BCORL1: variants seen among roughly 807,000 people sequenced by gnomAD.
BCORL1 encodes the protein BCL-6 corepressor-like protein 1.
BCORL1 carries 7 observed loss-of-function variants against 87.6 expected under a neutral mutation model. The observed-to-expected ratio is 0.08, with a 90% CI of 0.05 to 0.15. The LOEUF (loss-of-function observed/expected upper bound fraction) is 0.15, where lower values mean the gene tolerates loss of function less well. BCORL1 is among the 10% of genes least tolerant of loss of function. BCORL1 has a pLI of 1.00. For missense variants in BCORL1, 1,215 were observed against 1,499.7 expected (o/e 0.81, Z 3.13); for synonymous variants, 591 against 634.4 (o/e 0.93, Z 1.03).
At chrX:130,043,767 TATATATATATATATA>T (rs1569388464) in intron 11 of BCORL1, among the ~76,000 whole-genome samples, 1 of 18,334 alleles carries the variant, frequency 5.5e-5, no homozygotes, top group Non-Finnish European at 8.2e-5. Flanking sequence ...TATATATATA[TATATATATATATATA>T]TATTTTTTTT....
chrX:130,021,482 A>T (rs1047494644), intron 5 of BCORL1, among the ~76,000 whole-genome samples: 2 of 112,391 alleles, frequency 1.8e-5, no homozygotes, highest in African/African-American at 6.5e-5. Flanking sequence ...GACAAAAACC[A>T]CGGAATGGGG....
intron 9 of BCORL1, among the ~76,000 whole-genome samples, chrX:130,035,976 G>A (rs570058533): frequency 4.4e-5 from 5 of 112,888 alleles, no homozygotes; most frequent in South Asian, 3.6e-4. Context: ...ACACACAGCC[G>A]CTCTAGCCAG....
chrX:130,046,752 T>A (rs1296371639), intron 11 of BCORL1, among the ~76,000 whole-genome samples: 2 of 110,877 alleles, frequency 1.8e-5, no homozygotes, highest in Admixed American at 9.6e-5. Flanking sequence ...TTCACCGTGT[T>A]AGCCAGGATG....
intron 1 of BCORL1, among the ~76,000 whole-genome samples, chrX:129,984,343 CG>C (rs1266410987): frequency 1.7e-4 from 1 of 5,746 alleles, no homozygotes; most frequent in Non-Finnish European, 4.4e-4. Flanking sequence ...CGGGGGCAGG[CG>C]GGGGGGTGGA....
At chrX:130,037,176 G>A (rs1931001765) in intron 9 of BCORL1, among the ~76,000 whole-genome samples, 191 bp from the exon 10 acceptor site, 1 of 111,000 alleles carries the variant, frequency 9.0e-6, no homozygotes, top group African/African-American at 3.3e-5. Context: ...CCAAGGAAAC[G>A]GCCCAGAGCT....
chrX:130,053,310 C>T (rs1330320469), intron 13 of BCORL1, among the ~76,000 whole-genome samples: 3 of 107,338 alleles, frequency 2.8e-5, no homozygotes, highest in Non-Finnish European at 3.9e-5. Context: ...CCACCCCACA[C>T]GCATAGCCTG....
chrX:130,028,511 T>C (rs1930377382), intron 7 of BCORL1, 124 bp from the exon 8 acceptor site: 1 of 559,967 alleles, frequency 1.8e-6, no homozygotes, highest in Non-Finnish European at 3.0e-6. Context: ...CGATAGCTGA[T>C]AGTTATACAA....
At position 130,033,701 on chromosome X, in the gene BCORL1, G is replaced by A. The variant is rs764584778; in HGVS notation, c.4306-754G>A. On this transcript the variant is annotated intron_variant, in intron 8 of 13. Coordinates refer to ENST00000540052, the MANE Select transcript of BCORL1 (RefSeq NM_001379451.1). ...CAGCTGTGACTAGTCAAAGATAGCC[G>A]GCCGGGCATGGTGGCTCATGCCTGT... Among the ~76,000 whole-genome samples the A allele has an allele frequency of 7.1e-5, 8 of 112,044 alleles. No homozygotes were observed. The East Asian group carries it at 1.1e-3, about 16-fold the overall frequency.
At chrX:130,006,218 A>G (rs1049828640) in intron 2 of BCORL1, among the ~76,000 whole-genome samples, 9 of 111,484 alleles carry the variant, frequency 8.1e-5, no homozygotes, top group African/African-American at 2.9e-4. Context: ...TCTGTTCCCC[A>G]GAATATTTGG....
At chrX:130,029,851 C>T (rs1258342872) in intron 8 of BCORL1, among the ~76,000 whole-genome samples, 1 of 110,556 alleles carries the variant, frequency 9.0e-6, no homozygotes, top group Admixed American at 9.7e-5. Flanking sequence ...TACAAAAAAT[C>T]ACCATGTTGG....
intron 13 of BCORL1, among the ~76,000 whole-genome samples, chrX:130,053,306 C>T (rs1014455517): frequency 9.2e-6 from 1 of 109,174 alleles, no homozygotes; most frequent in Admixed American, 9.8e-5. Flanking sequence ...CCCACCACCC[C>T]ACACGCATAG....
intron 2 of BCORL1, among the ~76,000 whole-genome samples, chrX:130,011,821 G>A (rs1314595185): frequency 1.8e-5 from 2 of 110,697 alleles, no homozygotes. Flanking sequence ...GGGGGGGCAG[G>A]GAGGGGTGCT....
chrX:130,020,872 C>T lies in BCORL1; in HGVS notation c.3442-113C>T, dbSNP rs780897724. 31 of 861,215 alleles carry T rather than the reference C, an allele frequency of 3.6e-5. No homozygotes were observed. In the African/African-American group the frequency reaches 5.2e-4, roughly 14 times the overall value. The allele number at this position is 861,215 out of a possible 1,213,427, so 71.0% of individuals were successfully genotyped here. ...GCACGGCCCCTTGCCCCTGGTCCCCCACTCTGGGCAGCTCATGCCTCTAGG... is the reference window on the plus strand; with the variant it reads ...GCACGGCCCCTTGCCCCTGGTCCCCTACTCTGGGCAGCTCATGCCTCTAGG... On this transcript the variant is annotated intron_variant, in intron 4 of 13. Transcript: ENST00000540052.
At chrX:130,004,012 C>T (rs937134850) in intron 1 of BCORL1, among the ~76,000 whole-genome samples, 6 of 111,911 alleles carry the variant, frequency 5.4e-5, no homozygotes, top group African/African-American at 1.6e-4. Flanking sequence ...GGGTTCTGTT[C>T]AGTTGAACTT....
intron 7 of BCORL1, among the ~76,000 whole-genome samples, chrX:130,026,057 AAG>A (rs775110408): frequency 8.9e-6 from 1 of 111,813 alleles, no homozygotes; most frequent in Admixed American, 9.5e-5. Flanking sequence ...AGACTGTCAC[AAG>A]ATGCTAATAT....
intron 9 of BCORL1, among the ~76,000 whole-genome samples, chrX:130,037,141 C>T (rs936662405): frequency 9.1e-6 from 1 of 109,780 alleles, no homozygotes; most frequent in African/African-American, 3.3e-5. Context: ...GTGAGACTGT[C>T]TCAAAAAAAA....
At position 130,014,018 on chromosome X, in the gene BCORL1, A is replaced by C; in HGVS notation, c.1246A>C (p.Ser416Arg). 1 of 1,208,401 alleles carries C rather than the reference A, an allele frequency of 8.3e-7. No homozygotes were observed. Residue 416 changes from serine to arginine, a missense_variant, in exon 4 of 14, where the codon AGT (serine) becomes CGT (arginine). By Grantham distance (110) the Ser-to-Arg change is moderately radical (BLOSUM62 -1). This residue lies in a region of BCORL1 where 861 missense variants were observed against 1,010.0 expected (regional missense o/e 0.85). Transcript: ENST00000540052. ...CTCTGCACCCATCCCGGCCTCCTTC[A>C]GTTTGAGTAGAGTGTGCTTTCCTGC... ...PTSAPIPASF[S>R]LSRVCFPAAQ... is the part of the protein sequence containing the mutation.
intron 9 of BCORL1, among the ~76,000 whole-genome samples, chrX:130,037,104 C>G (rs1930998179): frequency 9.0e-6 from 1 of 111,224 alleles, no homozygotes; most frequent in African/African-American, 3.3e-5. Context: ...TGAGATTGCG[C>G]CACTGCACTC....
intron 5 of BCORL1, among the ~76,000 whole-genome samples, chrX:130,021,652 C>T (rs1035296028): frequency 1.8e-5 from 2 of 111,795 alleles, no homozygotes; most frequent in Non-Finnish European, 3.8e-5. Flanking sequence ...GTATGTGTCC[C>T]TAACCTGTCC....
Sources: gnomAD v4.1 joint callset for allele counts (sites outside exome capture counted in the v4.1 genomes callset) on GRCh38, gnomAD v4.1.1 for gene constraint, gnomAD v4.1.1 regional missense constraint, MANE v1.5 for transcripts, NCBI Gene and HGNC (gene_info 2026-07-23, HGNC 2026-07-21) for gene names.